The following PCGF3 variants were observed in gnomAD, a reference collection of about 807,000 sequenced individuals.
PCGF3 encodes polycomb group RING finger protein 3.
Under a neutral mutation model 33.1 loss-of-function variants are expected in PCGF3, and 7 were observed. That is an observed-to-expected ratio of 0.21 (90% CI 0.12 to 0.40). The LOEUF is 0.40. Among genes scored for constraint, PCGF3 ranks in the 10% least tolerant of loss-of-function variants. PCGF3 has a pLI of 1.00. For synonymous variants in PCGF3, 153 were observed against 121.3 expected (o/e 1.26, Z -1.72); for missense variants, 211 against 313.3 (o/e 0.67, Z 2.46).
intron 1 of PCGF3, chr4:722,389 C>G: frequency 5.0e-6 from 1 of 200,756 alleles, no homozygotes; most frequent in Non-Finnish European, 1.0e-5. Flanking sequence ...TGGAGGCTGC[C>G]CCAGGCAGCG....
At chr4:756,330 C>T (rs977517164) in intron 8 of PCGF3, among the ~76,000 whole-genome samples, 4 of 151,684 alleles carry the variant, frequency 2.6e-5, no homozygotes, top group African/African-American at 7.3e-5. Flanking sequence ...CTCCCACCTC[C>T]GCCTCCTGAG....
intron 8 of PCGF3, among the ~76,000 whole-genome samples, chr4:758,182 A>G (rs1335752602): frequency 2.0e-5 from 3 of 150,812 alleles, no homozygotes; most frequent in African/African-American, 7.3e-5. Context: ...AAAAAAAAAA[A>G]AAAAAAAAAA....
chr4:768,158 T>G (rs759433107), exon 11 of PCGF3: 5 of 152,688 alleles, frequency 3.3e-5, no homozygotes, highest in Non-Finnish European at 5.9e-5. Context: ...GGCGCCCGTG[T>G]CGATGTCTTC....
At chr4:724,758 A>C (rs1743255590) in intron 1 of PCGF3, among the ~76,000 whole-genome samples, 1 of 152,178 alleles carries the variant, frequency 6.6e-6, no homozygotes, top group African/African-American at 2.4e-5. Context: ...AGATCACGCC[A>C]CTGCACTCCA....
At chr4:744,575 C>G (rs762464928) in intron 7 of PCGF3, 25 bp from the exon 8 acceptor site, 2 of 1,508,516 alleles carry the variant, frequency 1.3e-6, no homozygotes, top group Non-Finnish European at 1.8e-6. Context: ...TTTCATGGTG[C>G]GCTATGTTCT....
At chr4:734,569 A>C in intron 4 of PCGF3, 1 of 1,167,336 alleles carries the variant, frequency 8.6e-7, no homozygotes. Context: ...AGTTGTACGT[A>C]GAAGATACTG....
chr4:733,936 G>A (rs1743727613), intron 4 of PCGF3, 147 bp downstream of exon 4: 2 of 1,556,550 alleles, frequency 1.3e-6, no homozygotes, highest in South Asian at 1.2e-5. Context: ...CGATCTTGAA[G>A]ATAAGTCAGA....
At chr4:757,762 G>C (rs1467550871) in intron 8 of PCGF3, 2 of 152,078 alleles carry the variant, frequency 1.3e-5, no homozygotes, top group Non-Finnish European at 2.9e-5. Flanking sequence ...CTGTTGTCTA[G>C]TGAATTAGTA....
At chr4:761,922 C>T (rs1444523360) in intron 9 of PCGF3, 6 of 985,286 alleles carry the variant, frequency 6.1e-6, no homozygotes, top group Admixed American at 6.2e-5. Flanking sequence ...TGCATGGAGA[C>T]AGAAGGCGCT....
intron 9 of PCGF3, among the ~76,000 whole-genome samples, chr4:763,290 G>C (rs1745171226): frequency 6.6e-6 from 1 of 152,186 alleles, no homozygotes; most frequent in South Asian, 2.1e-4. Context: ...TGGAGGTGTA[G>C]CGGGAAGCTG....
chr4:735,873 T>C (rs1009436743), intron 5 of PCGF3, among the ~76,000 whole-genome samples: 1 of 152,154 alleles, frequency 6.6e-6, no homozygotes, highest in Non-Finnish European at 1.5e-5. Context: ...GCCAGCCAGG[T>C]GGAGCGTGTG....
intron 8 of PCGF3, among the ~76,000 whole-genome samples, chr4:750,386 G>T (rs1032520986): frequency 6.6e-6 from 1 of 152,132 alleles, no homozygotes. Context: ...GTTCACTTGG[G>T]TGCAGATTTT....
chr4:766,295 C>T (rs1018982874), exon 11 of PCGF3: 13 of 515,148 alleles, frequency 2.5e-5, no homozygotes, highest in Admixed American at 1.1e-4. Flanking sequence ...CAGAGCCGAT[C>T]GTCCTCTCCC....
chr4:763,122 G>A (rs558306527), intron 9 of PCGF3, among the ~76,000 whole-genome samples: 2 of 152,232 alleles, frequency 1.3e-5, no homozygotes, highest in Non-Finnish European at 2.9e-5. Context: ...AGATCATGGA[G>A]AAACCAAGTC....
At chr4:739,778 G>C (rs974069945) in intron 6 of PCGF3, among the ~76,000 whole-genome samples, 1 of 152,170 alleles carries the variant, frequency 6.6e-6, no homozygotes, top group Admixed American at 6.5e-5. Context: ...GTATGTTCTC[G>C]TCCACCTCAG....
At chr4:707,557 C>T (rs1189713988) in intron 1 of PCGF3, among the ~76,000 whole-genome samples, 1 of 112,344 alleles carries the variant, frequency 8.9e-6, no homozygotes, top group African/African-American at 3.1e-5. Flanking sequence ...CCCTGGGGGT[C>T]GGGACCCTGG....
rs11932342 is a variant in PCGF3, at chr4:730,534, A to G, written c.-189-96A>G. ...CTTTTGGTTATTTTAAGCAAGGAACAGAGCAGTGTAACCGAGCCAGGCTTG... is the reference window on the plus strand; with the variant it reads ...CTTTTGGTTATTTTAAGCAAGGAACGGAGCAGTGTAACCGAGCCAGGCTTG... On this transcript the variant is annotated intron_variant, in intron 1 of 10. Transcript: ENST00000362003. 1,056 of 153,346 alleles carry G rather than the reference A, an allele frequency of 6.9e-3. 14 individuals carry two copies. Among genetic ancestry groups the G allele is most frequent in the African/African-American group, 0.024 (1,006 of 41,612 alleles). The allele number at this position is 153,346 out of a possible 1,614,324, so 9.5% of individuals were successfully genotyped here.
chr4:705,854 C>G (rs1039611903), exon 1 of PCGF3: 1 of 152,162 alleles, frequency 6.6e-6, no homozygotes, highest in Non-Finnish European at 1.5e-5. Context: ...TTGTTTTAAA[C>G]TCCGGACGGG....
In PCGF3 at chr4:720,744, C is replaced by T. The variant is rs182043101; in HGVS notation, c.-189-9886C>T. Among the ~76,000 whole-genome samples the T allele has an allele frequency of 4.2e-3, 608 of 144,168 alleles. 7 individuals carry two copies. Among genetic ancestry groups the T allele is most frequent in the African/African-American group, 0.015 (558 of 38,160 alleles). The allele number at this position is 144,168 out of a possible 152,430, so 94.6% of individuals were successfully genotyped here. A position where few individuals can be genotyped will look rare whatever the true frequency, so the allele number is the denominator to read the frequency against. On this transcript the variant is annotated intron_variant, in intron 1 of 10. Coordinates refer to ENST00000362003, the Ensembl canonical transcript of PCGF3. This position sits in a 1 kb window ranked among gnomAD's most constrained non-coding sequence, Gnocchi z 5.6. ...GGCGGTGACGTGCGTGTGGACCCGGCGTGGACGCAGCCCCGACGTGAATGG... is the reference window on the plus strand; with the variant it reads ...GGCGGTGACGTGCGTGTGGACCCGGTGTGGACGCAGCCCCGACGTGAATGG...
Sources: gnomAD v4.1 joint callset for allele counts (sites outside exome capture counted in the v4.1 genomes callset) on GRCh38, gnomAD v4.1.1 for gene constraint, Gnocchi (gnomAD v3.1) non-coding constraint, MANE v1.5 for transcripts, NCBI Gene and HGNC (gene_info 2026-07-23, HGNC 2026-07-21) for gene names.